ERGIC1: variants seen among roughly 807,000 people sequenced by gnomAD.
ERGIC1 encodes endoplasmic reticulum-golgi intermediate compartment 1.
In ERGIC1, 19 loss-of-function variants were observed where a neutral mutation model predicts 38.3. The ratio of observed to expected loss-of-function variants is 0.50; its 90% CI spans 0.35 to 0.73. ERGIC1 has a LOEUF of 0.73. Ranked by LOEUF, ERGIC1 falls within the 30% of genes least tolerant of loss-of-function variation. The probability of loss-of-function intolerance (pLI) is 0.01; values close to 1 mark genes in which losing one functional copy is unlikely to be tolerated. For synonymous variants in ERGIC1, 124 were observed against 157.6 expected (o/e 0.79, Z 1.60); for missense variants, 294 against 389.2 (o/e 0.76, Z 2.06).
chr5:172,859,424 A>G (rs1005648010), intron 1 of ERGIC1, among the ~76,000 whole-genome samples: 2 of 152,160 alleles, frequency 1.3e-5, no homozygotes, highest in African/African-American at 4.8e-5. Flanking sequence ...GCTGACGGAA[A>G]AGGCCATATT....
intron 1 of ERGIC1, among the ~76,000 whole-genome samples, chr5:172,864,838 T>C (rs1761813058): frequency 6.6e-6 from 1 of 151,164 alleles, no homozygotes; most frequent in African/African-American, 2.4e-5. Context: ...ATCAGGCCAC[T>C]GAGTCTCAGA....
intron 7 of ERGIC1, among the ~76,000 whole-genome samples, chr5:172,929,978 G>A (rs1368924244): frequency 3.3e-5 from 5 of 152,082 alleles, no homozygotes; most frequent in South Asian, 2.1e-4. Context: ...ACGAGGTCAG[G>A]AGTTCAAGAC....
chr5:172,834,460 G>A lies in ERGIC1; in HGVS notation c.20+27G>A. On this transcript the variant is annotated intron_variant, in intron 1 of 9. Coordinates refer to ENST00000393784, the MANE Select transcript of ERGIC1 (RefSeq NM_001031711.3). The surrounding 1 kb of genome is among the most constrained non-coding windows in gnomAD (Gnocchi z 4.1). Reference sequence around the variant, plus strand: ...TGAGTGTGGCGACCCCGGCCAGTCGGGAGTTCCCTCAGCGGGCAGAGGGAG... The same window carrying A: ...TGAGTGTGGCGACCCCGGCCAGTCGAGAGTTCCCTCAGCGGGCAGAGGGAG... 2 of 1,309,566 alleles carry A rather than the reference G, an allele frequency of 1.5e-6. No homozygotes were observed. The highest frequency in any genetic ancestry group is 2.1e-5 in the South Asian group (1 of 46,734). The allele number at this position is 1,309,566 out of a possible 1,614,324, so 81.1% of individuals were successfully genotyped here.
intron 2 of ERGIC1, among the ~76,000 whole-genome samples, chr5:172,892,074 T>TGTTTTG (rs1561720683): frequency 3.3e-5 from 5 of 149,704 alleles, no homozygotes; most frequent in Non-Finnish European, 4.4e-5. Context: ...TTTTTTTTTT[T>TGTTTTG]TTTTTTTTTT....
chr5:172,840,243 A>G (rs560835543), intron 1 of ERGIC1, among the ~76,000 whole-genome samples: 1 of 152,234 alleles, frequency 6.6e-6, no homozygotes, highest in South Asian at 2.1e-4. Context: ...CTCTCCTCCC[A>G]AGGCCGTTTG....
At chr5:172,948,822 A>G (rs540952) in intron 9 of ERGIC1, among the ~76,000 whole-genome samples, 146,378 of 152,314 alleles carry the variant, frequency 0.96, 70,379 homozygotes, top group East Asian at 1. Flanking sequence ...GCTGAGACAG[A>G]TGGATCACTT....
At chr5:172,848,807 A>G (rs761245707) in intron 1 of ERGIC1, among the ~76,000 whole-genome samples, 13 of 152,204 alleles carry the variant, frequency 8.5e-5, no homozygotes, top group Non-Finnish European at 1.8e-4. Context: ...CTTCATTGCT[A>G]TATCCCTTTG....
chr5:172,906,537 AGAGCCCACCGT>A (rs1763030436), intron 3 of ERGIC1, among the ~76,000 whole-genome samples: 3 of 152,048 alleles, frequency 2.0e-5, no homozygotes, highest in Non-Finnish European at 4.4e-5. Flanking sequence ...GTGTCTTTTC[AGAGCCCACCGT>A]TCCTTGTGAA....
At chr5:172,919,345 C>T (rs967016452) in intron 5 of ERGIC1, among the ~76,000 whole-genome samples, 7 of 152,198 alleles carry the variant, frequency 4.6e-5, no homozygotes, top group Non-Finnish European at 1.0e-4. Context: ...GATGCAACCA[C>T]CTGGGCTGAA....
intron 1 of ERGIC1, among the ~76,000 whole-genome samples, chr5:172,851,752 A>G (rs1281411676): frequency 6.6e-6 from 1 of 152,006 alleles, no homozygotes; most frequent in Non-Finnish European, 1.5e-5. Context: ...ACTTAATTCC[A>G]TCTAGTGAGG....
intron 1 of ERGIC1, among the ~76,000 whole-genome samples, chr5:172,879,439 G>T (rs530660997): frequency 1.3e-5 from 2 of 152,332 alleles, no homozygotes; most frequent in East Asian, 3.9e-4. Flanking sequence ...ATCCTAAGGC[G>T]TGAGGAAGCT....
In ERGIC1 at chr5:172,909,650, A is replaced by G. The variant is rs749272874; in HGVS notation, c.156-17A>G. The G allele has an allele frequency of 4.7e-5, 76 of 1,612,660 alleles. 1 individual carries two copies. In the East Asian group the frequency reaches 6.5e-4, roughly 14 times the overall value. ...CCGCCATCTCAACAAAGGTTCCTAT[A>G]CTTGTCTTTCCCCTAGTGTGAACGA... On this transcript the variant is annotated splice_polypyrimidine_tract_variant and intron_variant, in intron 3 of 9. Coordinates refer to ENST00000393784, the MANE Select transcript of ERGIC1 (RefSeq NM_001031711.3).
rs573819215 is a variant in ERGIC1 at position 172,882,321 on chromosome 5, A to G, written c.21-6378A>G. ...CTGCCTGGTATATTAGGTGCTTAGC[A>G]AATGGCTGTTGAATGAATTAATGAA... is the stretch of plus-strand genomic sequence containing the variant. On this transcript the variant is annotated intron_variant, in intron 1 of 9. Coordinates refer to ENST00000393784, the MANE Select transcript of ERGIC1 (RefSeq NM_001031711.3). Among the ~76,000 whole-genome samples, 47 of 152,346 alleles carry G rather than the reference A, an allele frequency of 3.1e-4. 3 individuals carry two copies. In the South Asian group the frequency reaches 9.5e-3, roughly 31 times the overall value.
intron 2 of ERGIC1, among the ~76,000 whole-genome samples, chr5:172,892,062 G>GTTTTTTTTTTTTTTTTTTTTTTTT (rs573472747): frequency 2.2e-5 from 2 of 90,228 alleles, no homozygotes; most frequent in Non-Finnish European, 4.5e-5. Flanking sequence ...TAAAGAGTAT[G>GTTTTTTTTTTTTTTTTTTTTTTTT]TTTTTTTTTT....
intron 1 of ERGIC1, among the ~76,000 whole-genome samples, chr5:172,860,415 G>T (rs1761666689): frequency 6.6e-6 from 1 of 152,282 alleles, no homozygotes. Flanking sequence ...ACATTGGGAA[G>T]CCAAGGCACA....
chr5:172,899,757 C>G (rs1581555369), intron 3 of ERGIC1, among the ~76,000 whole-genome samples: 1 of 152,076 alleles, frequency 6.6e-6, no homozygotes, highest in African/African-American at 2.4e-5. Context: ...TAGACTGTAT[C>G]GATCAGGGGC....
rs1561730872 is a variant in ERGIC1, at chr5:172,909,778, G to T, written c.250+17G>T. ...ACTGCGAGTGTGAGTACTCCACGCA[G>T]CCCCTCCCTCCAGCAGGACACCTCC... On this transcript the variant is annotated intron_variant, in intron 4 of 9. Transcript: ENST00000393784. 5 of 1,609,810 alleles carry T rather than the reference G, an allele frequency of 3.1e-6. No individual in the cohort carries two copies. Among genetic ancestry groups the T allele is most frequent in the Non-Finnish European group, 4.3e-6 (5 of 1,176,048 alleles).
rs529850844 is a variant in ERGIC1 at position 172,852,288 on chromosome 5, G to T, written c.20+17855G>T. ...TTTCGTTTTCCAAAACGCAGGCAGG[G>T]TCTGCCCAGGTGCCCTCTGTGGGCT... On this transcript the variant is annotated intron_variant, in intron 1 of 9. Coordinates refer to ENST00000393784, the MANE Select transcript of ERGIC1 (RefSeq NM_001031711.3). 3.9e-5 allele frequency among the ~76,000 whole-genome samples: 6 copies of T among 152,358 alleles called. No homozygotes were observed. In the East Asian group the frequency reaches 1.2e-3, roughly 29 times the overall value.
At chr5:172,839,146 CAGG>C (rs931692509) in intron 1 of ERGIC1, among the ~76,000 whole-genome samples, 5 of 148,764 alleles carry the variant, frequency 3.4e-5, no homozygotes, top group African/African-American at 1.2e-4. Context: ...GAGGCTGAGG[CAGG>C]AGAATTGCTT....
Sources: allele counts gnomAD v4.1 joint callset (sites outside exome capture counted in the v4.1 genomes callset), GRCh38; gene constraint gnomAD v4.1.1; non-coding constraint Gnocchi (gnomAD v3.1); transcripts MANE v1.5; gene names NCBI Gene and HGNC (gene_info 2026-07-23, HGNC 2026-07-21).